The following ST3GAL5 variants were observed in gnomAD, a reference collection of about 807,000 sequenced individuals.
ST3GAL5 encodes the protein ST3 beta-galactoside alpha-2,3-sialyltransferase 5, also known as lactosylceramide alpha-2,3-sialyltransferase.
In ST3GAL5, 25 loss-of-function variants were observed where a neutral mutation model predicts 46.1. The ratio of observed to expected loss-of-function variants is 0.54; its 90% CI spans 0.40 to 0.76. ST3GAL5 has a LOEUF of 0.76. ST3GAL5 is among the 30% of genes least tolerant of loss of function. ST3GAL5 has a pLI of 0.00. For synonymous variants in ST3GAL5, 182 were observed against 192.7 expected (o/e 0.94, Z 0.46); for missense variants, 431 against 521.2 (o/e 0.83, Z 1.69).
At chr2:85,881,502 A>G (rs2104230960) in intron 1 of ST3GAL5, among the ~76,000 whole-genome samples, 1 of 152,338 alleles carries the variant, frequency 6.6e-6, no homozygotes, top group East Asian at 1.9e-4. Context: ...AGCATGGACA[A>G]TAAATATCCA....
intron 3 of ST3GAL5, among the ~76,000 whole-genome samples, chr2:85,860,377 A>G (rs1684585389): frequency 6.6e-6 from 1 of 152,206 alleles, no homozygotes; most frequent in Admixed American, 6.5e-5. Context: ...CATCCCTCTC[A>G]TGCTACTTTA....
At chr2:85,851,448 C>G in intron 3 of ST3GAL5, 1 of 1,236,010 alleles carries the variant, frequency 8.1e-7, no homozygotes, top group Non-Finnish European at 1.0e-6. Flanking sequence ...AGAGCTCACA[C>G]AGAACTCCAT....
At chr2:85,844,717 ACTCC>A in intron 5 of ST3GAL5, 163 bp from the exon 6 acceptor site, 1 of 892,506 alleles carries the variant, frequency 1.1e-6, no homozygotes. Flanking sequence ...CAAATCCGGC[ACTCC>A]AACTCAAAAA....
intron 2 of ST3GAL5, among the ~76,000 whole-genome samples, chr2:85,862,560 C>T (rs577985349): frequency 5.9e-5 from 9 of 152,284 alleles, no homozygotes; most frequent in African/African-American, 2.2e-4. Context: ...ACATATCAGA[C>T]TGTGCCTTAA....
chr2:85,888,381 C>T (rs1688004810), intron 1 of ST3GAL5: 1 of 153,562 alleles, frequency 6.5e-6, no homozygotes, highest in African/African-American at 2.4e-5. Context: ...AGCGGCCCCA[C>T]ATCACGCCTC....
At chr2:85,871,878 CA>C (rs1307927701) in intron 1 of ST3GAL5, among the ~76,000 whole-genome samples, 1 of 152,178 alleles carries the variant, frequency 6.6e-6, no homozygotes, top group Non-Finnish European at 1.5e-5. Flanking sequence ...GTTGGGAAAG[CA>C]GAGAATAAAC....
intron 3 of ST3GAL5, chr2:85,854,635 T>C (rs893686748): frequency 1.3e-4 from 20 of 152,268 alleles, no homozygotes; most frequent in African/African-American, 4.8e-4. Flanking sequence ...CCGGATTTTC[T>C]GTACAATCTA....
chr2:85,847,580 G>A, intron 4 of ST3GAL5: 1 of 1,199,578 alleles, frequency 8.3e-7, no homozygotes. Context: ...AGAAAGGTTG[G>A]TTTTAAAAGC....
chr2:85,844,381 T>C lies in ST3GAL5; in HGVS notation c.1008+15A>G. The C allele has an allele frequency of 6.2e-7, 1 of 1,614,114 alleles. No individual in the cohort carries two copies. Among genetic ancestry groups the C allele is most frequent in the Non-Finnish European group, 8.5e-7 (1 of 1,180,008 alleles). ...CAAACAGGGAATGATTAACTTTGAG[T>C]AGCAACAAAAATACCTTATCTCGGC... On this transcript the variant is annotated intron_variant, in intron 6 of 6. Coordinates refer to ENST00000638572, the MANE Select transcript of ST3GAL5 (RefSeq NM_003896.4).
At chr2:85,850,854 CA>C (rs1170987204) in intron 3 of ST3GAL5, 1 of 152,096 alleles carries the variant, frequency 6.6e-6, no homozygotes, top group African/African-American at 2.4e-5. Context: ...AGTGAAATTT[CA>C]TTCCATTTCC....
chr2:85,844,092 G>A (rs1682471059), intron 6 of ST3GAL5, among the ~76,000 whole-genome samples: 1 of 152,130 alleles, frequency 6.6e-6, no homozygotes, highest in South Asian at 2.1e-4. Flanking sequence ...GATCATGAAA[G>A]TGCCTTTCAG....
chr2:85,865,241 T>C (rs1685167225), intron 1 of ST3GAL5, among the ~76,000 whole-genome samples: 1 of 152,252 alleles, frequency 6.6e-6, no homozygotes, highest in Non-Finnish European at 1.5e-5. Context: ...GTCTTCACTA[T>C]AGTTTTTAGT....
intron 1 of ST3GAL5, among the ~76,000 whole-genome samples, chr2:85,867,066 T>A (rs1211547841): frequency 6.6e-6 from 1 of 152,138 alleles, no homozygotes; most frequent in East Asian, 1.9e-4. Context: ...GGGGATGGGA[T>A]GATCACTTGA....
intron 1 of ST3GAL5, among the ~76,000 whole-genome samples, chr2:85,886,792 C>T (rs916735649): frequency 6.6e-6 from 1 of 152,196 alleles, no homozygotes; most frequent in African/African-American, 2.4e-5. Flanking sequence ...ACTTATGCCA[C>T]CCACACTGAT....
At chr2:85,841,036 AAAT>A (rs1407007343) in intron 6 of ST3GAL5, among the ~76,000 whole-genome samples, 78 of 150,988 alleles carry the variant, frequency 5.2e-4, no homozygotes, top group African/African-American at 1.7e-3. Flanking sequence ...TTAAAAAAAA[AAAT>A]AAAAAAAAAA....
rs987379175 is a variant in ST3GAL5, at chr2:85,861,851, G to C, written c.207-559C>G. On this transcript the variant is annotated intron_variant, in intron 2 of 6. Coordinates refer to ENST00000638572, the MANE Select transcript of ST3GAL5 (RefSeq NM_003896.4). ...CACACACACACACACACGACTTGGA[G>C]AAAAGAGCTGAGTCTAGTCTTAGTT... 5.3e-5 allele frequency among the ~76,000 whole-genome samples: 8 copies of C among 150,974 alleles called. No homozygotes were observed. The East Asian group carries it at 1.6e-3, about 30-fold the overall frequency.
At chr2:85,882,245 A>C (rs1015714403) in intron 1 of ST3GAL5, among the ~76,000 whole-genome samples, 1 of 152,210 alleles carries the variant, frequency 6.6e-6, no homozygotes, top group Admixed American at 6.5e-5. Context: ...GCAGTGCAGA[A>C]GGGAAATGTG....
chr2:85,870,127 C>G (rs575285517), intron 1 of ST3GAL5: 164 of 453,140 alleles, frequency 3.6e-4, no homozygotes, highest in African/African-American at 3.0e-3. Flanking sequence ...CTTTATAACA[C>G]TAATCATGAG....
intron 2 of ST3GAL5, among the ~76,000 whole-genome samples, chr2:85,862,886 C>T (rs1170796097): frequency 6.6e-6 from 1 of 152,160 alleles, no homozygotes. Context: ...AGACACCTGC[C>T]AAGTTCCTCC....
Sources: gnomAD v4.1 joint callset for allele counts (sites outside exome capture counted in the v4.1 genomes callset) on GRCh38, gnomAD v4.1.1 for gene constraint, MANE v1.5 for transcripts, NCBI Gene and HGNC (gene_info 2026-07-23, HGNC 2026-07-21) for gene names.